Variants in DYNLL1 observed in about 807,000 individuals in gnomAD.
The protein encoded by DYNLL1 is dynein light chain LC8-type 1.
DYNLL1 carries 3 observed loss-of-function variants against 10.1 expected under a neutral mutation model. The observed-to-expected ratio is 0.30, with a 90% CI of 0.14 to 0.77. DYNLL1 has a LOEUF of 0.77. Ranked by LOEUF, DYNLL1 falls within the 30% of genes least tolerant of loss-of-function variation. The pLI, the probability that DYNLL1 is intolerant of heterozygous loss-of-function variation, is 0.66. For missense variants in DYNLL1, 47 were observed against 111.7 expected, an observed-to-expected ratio of 0.42 and a Z score of 2.61; for synonymous variants, 46 against 41.2, an observed-to-expected ratio of 1.12 and a Z score of -0.45.
chr12:120,481,972 C>T (rs1418009422), intron 1 of DYNLL1, among the ~76,000 whole-genome samples: 1 of 152,190 alleles, frequency 6.6e-6, no homozygotes, highest in Admixed American at 6.5e-5. Context: ...CCTCAGCCTC[C>T]CAGAGTGTTG....
chr12:120,474,542 A>T lies in DYNLL1; in HGVS notation c.-7+4438A>T, dbSNP rs555046356. 5.5e-4 allele frequency among the ~76,000 whole-genome samples: 84 copies of T among 152,322 alleles called. 1 individual carries two copies. The highest frequency in any genetic ancestry group is 1.8e-3 in the African/African-American group (76 of 41,586). ...AATAACTTAAAGAACTTATCCATAT[A>T]ACCAAACACCACCTGTTCCCCAAAA... is the stretch of plus-strand genomic sequence containing the variant. On this transcript the variant is annotated intron_variant, in intron 1 of 2. Coordinates refer to the DYNLL1 transcript ENST00000392509.
chr12:120,471,422 C>G (rs1333867028), intron 1 of DYNLL1, among the ~76,000 whole-genome samples: 2 of 152,034 alleles, frequency 1.3e-5, no homozygotes, highest in East Asian at 3.9e-4. Flanking sequence ...ACTAAAACCA[C>G]ACATTTAATC....
upstream of DYNLL1, chr12:120,491,788 G>A (rs760587383): frequency 2.6e-5 from 4 of 152,210 alleles, no homozygotes; most frequent in African/African-American, 4.8e-5. Context: ...GGAAGATCAC[G>A]ATGGCCAAGA....
rs561378011 is a variant in DYNLL1 at position 120,482,404 on chromosome 12, G to C, written c.-7+12300G>C. 2.7e-3 allele frequency among the ~76,000 whole-genome samples: 407 copies of C among 151,736 alleles called. 3 individuals carry two copies. Among genetic ancestry groups the C allele is most frequent in the African/African-American group, 8.5e-3 (351 of 41,360 alleles). On this transcript the variant is annotated intron_variant, in intron 1 of 2. Coordinates refer to the DYNLL1 transcript ENST00000392509. ...GTGGCGCCATCTCGGCTCGCTGCAAGCTCCACCTCCCGGGTTCACGCCATT... is the reference window on the plus strand; with the variant it reads ...GTGGCGCCATCTCGGCTCGCTGCAACCTCCACCTCCCGGGTTCACGCCATT...
chr12:120,475,616 T>C (rs191247882), intron 1 of DYNLL1, among the ~76,000 whole-genome samples: 9 of 152,364 alleles, frequency 5.9e-5, no homozygotes, highest in Admixed American at 3.3e-4. Flanking sequence ...CATGTAGCTA[T>C]TGAGCACTTA....
At chr12:120,474,315 C>T (rs988437750) in intron 1 of DYNLL1, among the ~76,000 whole-genome samples, 1 of 151,912 alleles carries the variant, frequency 6.6e-6, no homozygotes, top group African/African-American at 2.4e-5. Context: ...TGGGCTTGTC[C>T]TTCTTTTCAC....
chr12:120,485,989 GTTC>G (rs1016831948), intron 1 of DYNLL1, among the ~76,000 whole-genome samples: 8 of 151,862 alleles, frequency 5.3e-5, no homozygotes, highest in African/African-American at 1.7e-4. Context: ...CATTCCTTGT[GTTC>G]TTCTGTATCT....
At chr12:120,478,358 C>T (rs1244345649) in intron 1 of DYNLL1, among the ~76,000 whole-genome samples, 2 of 151,246 alleles carry the variant, frequency 1.3e-5, no homozygotes, top group African/African-American at 2.4e-5. Flanking sequence ...CCGCCCGCCT[C>T]GACCTCCCAA....
chr12:120,494,424 G>A (rs764438678), upstream of DYNLL1, among the ~76,000 whole-genome samples: 1 of 151,668 alleles, frequency 6.6e-6, no homozygotes, highest in Non-Finnish European at 1.5e-5. Context: ...TTACAGGCAC[G>A]TGCCACCATG....
chr12:120,477,558 C>T (rs1030592178), intron 1 of DYNLL1, among the ~76,000 whole-genome samples: 2 of 151,474 alleles, frequency 1.3e-5, no homozygotes, highest in Non-Finnish European at 2.9e-5. Context: ...CCAGACCAGC[C>T]TAGGAAACCT....
chr12:120,475,911 G>C (rs1878742579), intron 1 of DYNLL1, among the ~76,000 whole-genome samples: 1 of 152,074 alleles, frequency 6.6e-6, no homozygotes, highest in Admixed American at 6.6e-5. Flanking sequence ...AGTTATTCTA[G>C]CTCCAGAAAA....
intron 1 of DYNLL1, among the ~76,000 whole-genome samples, chr12:120,477,681 G>T (rs113847724): frequency 2.0e-5 from 3 of 152,056 alleles, no homozygotes; most frequent in Admixed American, 1.3e-4. Context: ...AGGTAGAAGC[G>T]GGAGGATGGC....
intron 1 of DYNLL1, among the ~76,000 whole-genome samples, chr12:120,479,702 T>C (rs1878842622): frequency 6.6e-6 from 1 of 152,000 alleles, no homozygotes; most frequent in Admixed American, 6.6e-5. Flanking sequence ...AAGAAAGCAC[T>C]GCAAAGAAAG....
intron 1 of DYNLL1, among the ~76,000 whole-genome samples, chr12:120,479,744 G>A (rs1045863778): frequency 2.0e-5 from 3 of 152,120 alleles, no homozygotes; most frequent in Non-Finnish European, 4.4e-5. Flanking sequence ...TGGGGCTTTC[G>A]GGAAGCTAAA....
At chr12:120,491,365 C>T (rs1295751932), upstream of DYNLL1, 3 of 151,682 alleles carry the variant, frequency 2.0e-5, no homozygotes, top group Admixed American at 2.0e-4. Context: ...GGTGCCAGCC[C>T]TTCTCCATGG....
chr12:120,486,626 T>C (rs968319164), intron 1 of DYNLL1, among the ~76,000 whole-genome samples: 3 of 152,052 alleles, frequency 2.0e-5, no homozygotes, highest in Non-Finnish European at 4.4e-5. Context: ...CACCCCACTA[T>C]ACTAGCTAAT....
intron 1 of DYNLL1, among the ~76,000 whole-genome samples, chr12:120,474,203 G>T (rs58811988): frequency 0.055 from 8,296 of 151,786 alleles, 763 homozygotes; most frequent in African/African-American, 0.19. Flanking sequence ...GGGAGGCTGA[G>T]GGGGGAGAAT....
intron 1 of DYNLL1, among the ~76,000 whole-genome samples, chr12:120,485,000 A>G (rs2137062928): frequency 6.6e-6 from 1 of 152,178 alleles, no homozygotes; most frequent in African/African-American, 2.4e-5. Flanking sequence ...TGGGCCTCCC[A>G]AAGTGCTGGG....
rs1051756759 is a variant in DYNLL1 at position 120,496,233 on chromosome 12, G to C, written c.-7+17G>C. On this transcript the variant is annotated intron_variant, in intron 1 of 2. Transcript: ENST00000242577. ...TTCTCCACGGTGAGAAACTCGGGGG[G>C]CCAGGGGGTGTCCTCGCTGCCTTAT... 136 of 837,916 alleles carry C rather than the reference G, an allele frequency of 1.6e-4. No homozygotes were observed. Among genetic ancestry groups the C allele is most frequent in the Non-Finnish European group, 1.7e-4 (94 of 541,540 alleles). The allele number at this position is 837,916 out of a possible 1,614,324, so 51.9% of individuals were successfully genotyped here.
Sources: gnomAD v4.1 joint callset for allele counts (sites outside exome capture counted in the v4.1 genomes callset) on GRCh38, gnomAD v4.1.1 for gene constraint, MANE v1.5 for transcripts, NCBI Gene and HGNC (gene_info 2026-07-23, HGNC 2026-07-21) for gene names.